RUNDC3B: variants seen among roughly 807,000 people sequenced by gnomAD.
RUNDC3B encodes RUN domain-containing protein 3B.
Under a neutral mutation model 58.4 loss-of-function variants are expected in RUNDC3B, and 33 were observed. The ratio of observed to expected loss-of-function variants is 0.56; its 90% CI spans 0.43 to 0.75. The LOEUF (loss-of-function observed/expected upper bound fraction) is 0.75. Ranked by LOEUF, RUNDC3B falls within the 30% of genes least tolerant of loss-of-function variation. The probability of loss-of-function intolerance (pLI) is 0.00; values close to 1 mark genes in which losing one functional copy is unlikely to be tolerated. For synonymous variants in RUNDC3B, 193 were observed against 195.2 expected, an observed-to-expected ratio of 0.99 and a Z score of 0.10; for missense variants, 501 against 535.7, an observed-to-expected ratio of 0.94 and a Z score of 0.64.
chr7:87,778,024 A>G, intron 8 of RUNDC3B, 69 bp downstream of exon 8: 3 of 1,340,854 alleles, frequency 2.2e-6, no homozygotes, highest in Non-Finnish European at 3.1e-6. Flanking sequence ...GTGTTTTGAT[A>G]CAGGAGGCAA....
In RUNDC3B at chr7:87,773,658, CTTGTTTTGTT is replaced by C. The variant is rs10699526; in HGVS notation, c.798+2938_798+2947del. On this transcript the variant is annotated intron_variant, in intron 7 of 10. Coordinates refer to ENST00000394654, the MANE Select transcript of RUNDC3B (RefSeq NM_001134405.2). ...TTGGTTTGTTTTGTTTTTGTCTTGTCTTGTTTTGTTTTGTTTTGTTTTGTTTTGTTTTGTT... is the reference window on the plus strand; with the variant it reads ...TTGGTTTGTTTTGTTTTTGTCTTGTCTTGTTTTGTTTTGTTTTGTTTTGTT... Among the ~76,000 whole-genome samples the C allele has an allele frequency of 7.2e-3, 1,061 of 147,286 alleles. 9 individuals carry two copies. The highest frequency in any genetic ancestry group is 0.02 in the African/African-American group (790 of 39,740).
intron 9 of RUNDC3B, among the ~76,000 whole-genome samples, chr7:87,809,391 A>G (rs1563223789): frequency 6.6e-6 from 1 of 152,112 alleles, no homozygotes; most frequent in Non-Finnish European, 1.5e-5. Flanking sequence ...CACTTTATCT[A>G]GAGTTTAAAG....
Position 87,660,991 on chromosome 7 carries a change from C to T in RUNDC3B, c.238+10054C>T, listed in dbSNP as rs528010713. Among the ~76,000 whole-genome samples the T allele has an allele frequency of 6.0e-4, 91 of 151,948 alleles. 1 individual carries two copies. Among genetic ancestry groups the T allele is most frequent in the African/African-American group, 2.2e-3 (90 of 41,492 alleles). On this transcript the variant is annotated intron_variant, in intron 2 of 10. Coordinates refer to ENST00000394654, the MANE Select transcript of RUNDC3B (RefSeq NM_001134405.2). ...AGTTTATAGTTACTTTAATAAATGT[C>T]CCATCTTGAGAAGAAGATGTATTCT...
At chr7:87,712,956 T>C (rs977525692) in intron 4 of RUNDC3B, among the ~76,000 whole-genome samples, 8 of 152,144 alleles carry the variant, frequency 5.3e-5, no homozygotes, top group Non-Finnish European at 7.4e-5. Context: ...TATTTCAAAG[T>C]TTTTATCTTA....
chr7:87,690,469 A>G (rs1827905786), intron 2 of RUNDC3B, among the ~76,000 whole-genome samples: 1 of 152,182 alleles, frequency 6.6e-6, no homozygotes, highest in African/African-American at 2.4e-5. Context: ...TGTTTCTAAG[A>G]TGTTAATACC....
rs572868658 is a variant in RUNDC3B, at chr7:87,831,274, T to C, written c.*1244T>C. Reference sequence around the variant, plus strand: ...TACATGATGAGGCCACAGTACTTACTGAGGACTTCATATGGTTTTTTTGTT... The same window carrying C: ...TACATGATGAGGCCACAGTACTTACCGAGGACTTCATATGGTTTTTTTGTT... On this transcript the variant is annotated 3_prime_UTR_variant, in exon 11 of 11. Coordinates refer to ENST00000394654, the MANE Select transcript of RUNDC3B (RefSeq NM_001134405.2). The C allele has an allele frequency of 3.9e-5, 6 of 151,998 alleles. No individual in the cohort carries two copies. The East Asian group carries it at 1.2e-3, about 29-fold the overall frequency. The allele number at this position is 151,998 out of a possible 1,614,324, so 9.4% of individuals were successfully genotyped here. A position where few individuals can be genotyped will look rare whatever the true frequency, so the allele number is the denominator to read the frequency against.
chr7:87,648,133 C>T (rs1235208711), intron 1 of RUNDC3B, among the ~76,000 whole-genome samples: 1 of 139,324 alleles, frequency 7.2e-6, no homozygotes, highest in African/African-American at 2.7e-5. Context: ...TACAGTGAGC[C>T]AAGATCACAC....
chr7:87,674,281 C>G (rs1411235924), intron 2 of RUNDC3B, among the ~76,000 whole-genome samples: 1 of 152,148 alleles, frequency 6.6e-6, no homozygotes, highest in Non-Finnish European at 1.5e-5. Flanking sequence ...CATGCAGGTA[C>G]TTATGCAGTT....
intron 8 of RUNDC3B, among the ~76,000 whole-genome samples, chr7:87,789,915 A>G (rs1268506905): frequency 6.6e-6 from 1 of 152,210 alleles, no homozygotes; most frequent in Non-Finnish European, 1.5e-5. Flanking sequence ...CTTGGCCCCT[A>G]GACAGCATCT....
chr7:87,696,020 A>G (rs1333641491), intron 2 of RUNDC3B, among the ~76,000 whole-genome samples: 1 of 152,098 alleles, frequency 6.6e-6, no homozygotes, highest in African/African-American at 2.4e-5. Context: ...ACTTTTCACC[A>G]TTTGTTTCTG....
intron 2 of RUNDC3B, among the ~76,000 whole-genome samples, chr7:87,652,625 T>C (rs948466256): frequency 6.8e-6 from 1 of 147,142 alleles, no homozygotes; most frequent in Non-Finnish European, 1.5e-5. Context: ...GTCACTGATA[T>C]ATATATATAT....
chr7:87,734,712 C>T (rs1473748251), intron 4 of RUNDC3B, among the ~76,000 whole-genome samples: 2 of 152,108 alleles, frequency 1.3e-5, no homozygotes, highest in East Asian at 1.9e-4. Context: ...CTCATCACTC[C>T]ACCAAGAATT....
chr7:87,762,227 A>T (rs920550911), intron 6 of RUNDC3B, among the ~76,000 whole-genome samples: 8 of 151,678 alleles, frequency 5.3e-5, no homozygotes, highest in African/African-American at 1.4e-4. Context: ...AAAATTATTC[A>T]TATAGTTTTT....
At chr7:87,808,746 A>G (rs1836563093) in intron 9 of RUNDC3B, among the ~76,000 whole-genome samples, 2 of 152,236 alleles carry the variant, frequency 1.3e-5, no homozygotes, top group South Asian at 4.1e-4. Flanking sequence ...ACTAGAATAT[A>G]TCTCATCCTG....
intron 5 of RUNDC3B, among the ~76,000 whole-genome samples, chr7:87,740,630 G>A (rs993556783): frequency 6.6e-6 from 1 of 152,068 alleles, no homozygotes; most frequent in Admixed American, 6.6e-5. Context: ...TTCTACTTTT[G>A]AGTCTTGATA....
At chr7:87,655,359 C>T (rs575368887) in intron 2 of RUNDC3B, among the ~76,000 whole-genome samples, 10 of 151,988 alleles carry the variant, frequency 6.6e-5, no homozygotes, top group South Asian at 6.2e-4. Flanking sequence ...AAAAAAGTTG[C>T]GTATATAAAC....
chr7:87,823,791 T>TATACACAC (rs1420987913), intron 10 of RUNDC3B, among the ~76,000 whole-genome samples: 1 of 143,786 alleles, frequency 7.0e-6, no homozygotes, highest in African/African-American at 2.5e-5. Flanking sequence ...TTCATATATA[T>TATACACAC]ACACACACAC....
chr7:87,691,215 T>A (rs1827987677), intron 2 of RUNDC3B, among the ~76,000 whole-genome samples: 1 of 152,144 alleles, frequency 6.6e-6, no homozygotes, highest in African/African-American at 2.4e-5. Flanking sequence ...ATTTCAATAT[T>A]AATAAAATTA....
At chr7:87,698,687 T>C (rs2188531) in intron 2 of RUNDC3B, among the ~76,000 whole-genome samples, 23,947 of 152,178 alleles carry the variant, frequency 0.16, 3,191 homozygotes, top group African/African-American at 0.37. Flanking sequence ...GTGAGCCAAG[T>C]AAGCACTGTG....
Sources: allele counts gnomAD v4.1 joint callset (sites outside exome capture counted in the v4.1 genomes callset), GRCh38; gene constraint gnomAD v4.1.1; transcripts MANE v1.5; gene names NCBI Gene and HGNC (gene_info 2026-07-23, HGNC 2026-07-21).